Variants in BICDL1 observed in about 807,000 individuals in gnomAD.
BICDL1 encodes the protein BICD family like cargo adaptor 1.
Under a neutral mutation model 76.8 loss-of-function variants are expected in BICDL1, and 20 were observed. The observed-to-expected ratio is 0.26, with a 90% CI of 0.18 to 0.38. The LOEUF is 0.38. Among genes scored for constraint, BICDL1 ranks in the 10% least tolerant of loss-of-function variants. The pLI is 1.00. For synonymous variants in BICDL1, 383 were observed against 337.1 expected, an observed-to-expected ratio of 1.14 and a Z score of -1.49; for missense variants, 700 against 798.6, an observed-to-expected ratio of 0.88 and a Z score of 1.49.
intron 2 of BICDL1, among the ~76,000 whole-genome samples, chr12:120,054,414 C>A (rs1382564174): frequency 1.3e-5 from 2 of 152,114 alleles, no homozygotes; most frequent in Admixed American, 1.3e-4. Flanking sequence ...CTTGCTGACA[C>A]AGTAAGCTTG....
chr12:120,069,698 T>C (rs1872940682), intron 4 of BICDL1, among the ~76,000 whole-genome samples: 2 of 152,210 alleles, frequency 1.3e-5, no homozygotes, highest in Admixed American at 1.3e-4. Flanking sequence ...AATTTTTTTT[T>C]CATGAAAATG....
chr12:120,081,145 AC>A (rs1566266531), intron 8 of BICDL1, 128 bp downstream of exon 8: 7 of 533,404 alleles, frequency 1.3e-5, no homozygotes, highest in Admixed American at 1.2e-4. Context: ...CCCGCTACCC[AC>A]CCCCACCCCC....
chr12:120,048,666 T>C (rs894425046), intron 2 of BICDL1, among the ~76,000 whole-genome samples: 1 of 152,220 alleles, frequency 6.6e-6, no homozygotes, highest in African/African-American at 2.4e-5. Flanking sequence ...ATCTGTGTAA[T>C]GAAGGAGTTC....
intron 1 of BICDL1, 58 bp downstream of exon 1, chr12:119,990,355 G>A: frequency 6.5e-7 from 1 of 1,532,240 alleles, no homozygotes; most frequent in Admixed American, 2.2e-5. Flanking sequence ...CACGCGCCCG[G>A]CCCTGGGCAG....
rs1457814480 is a variant in BICDL1 at position 120,079,965 on chromosome 12, T to A, written c.1453-922T>A. On this transcript the variant is annotated intron_variant, in intron 7 of 9. Coordinates refer to ENST00000548673, the MANE Select transcript of BICDL1 (RefSeq NM_001367886.1). The surrounding 1 kb of genome is among the most constrained non-coding windows in gnomAD (Gnocchi z 4.3). Reference sequence around the variant, plus strand: ...CCCTGTTGGCTTCTTTAGTTGGAGGTCAAGCCTTGTGTCACACCAAGTCTC... The same window carrying A: ...CCCTGTTGGCTTCTTTAGTTGGAGGACAAGCCTTGTGTCACACCAAGTCTC... Among the ~76,000 whole-genome samples the A allele has an allele frequency of 6.6e-6, 1 of 152,086 alleles. No individual in the cohort carries two copies. Among genetic ancestry groups the A allele is most frequent in the Non-Finnish European group, 1.5e-5 (1 of 68,018 alleles).
chr12:120,032,833 G>A (rs1319057567), intron 2 of BICDL1, among the ~76,000 whole-genome samples: 6 of 144,076 alleles, frequency 4.2e-5, no homozygotes, highest in Middle Eastern at 3.8e-3. Context: ...TGCAACTTCC[G>A]CCTCCTGGGT....
chr12:120,028,667 A>G (rs1594136923), intron 2 of BICDL1, among the ~76,000 whole-genome samples: 1 of 152,112 alleles, frequency 6.6e-6, no homozygotes, highest in East Asian at 1.9e-4. Flanking sequence ...ACAGAGTAAG[A>G]CTCAGACTCA....
At chr12:120,070,014 A>T (rs768536563) in intron 4 of BICDL1, among the ~76,000 whole-genome samples, 2 of 152,212 alleles carry the variant, frequency 1.3e-5, no homozygotes, top group African/African-American at 2.4e-5. Flanking sequence ...TAGTATTCTA[A>T]CATGTGAACA....
chr12:120,032,745 A>ATTTTTTTTTT (rs35727779), intron 2 of BICDL1, among the ~76,000 whole-genome samples: 1 of 124,486 alleles, frequency 8.0e-6, no homozygotes, highest in African/African-American at 3.2e-5. Context: ...TACATCTATA[A>ATTTTTTTTTT]TTTTTTTTTT....
rs541430436 is a variant in BICDL1, at chr12:120,055,570, T to C, written c.646-6140T>C. The stretch of plus-strand genomic sequence containing the variant: ...TAACCCAAGCAAATTATAAAAAGAG[T>C]TTATTTCAGATAGTTTTGGGAGTGT... On this transcript the variant is annotated intron_variant, in intron 2 of 9. Coordinates refer to ENST00000548673, the MANE Select transcript of BICDL1 (RefSeq NM_001367886.1). Among the ~76,000 whole-genome samples, 3 of 152,192 alleles carry C rather than the reference T, an allele frequency of 2.0e-5. No individual in the cohort carries two copies. The South Asian group carries it at 6.2e-4, about 32-fold the overall frequency.
chr12:120,015,114 A>G (rs868671015), intron 2 of BICDL1, among the ~76,000 whole-genome samples: 8 of 152,118 alleles, frequency 5.3e-5, no homozygotes, highest in Admixed American at 3.9e-4. Context: ...AGACCAGAGA[A>G]TTCAAGAGTC....
chr12:120,086,696 A>G (rs1874442954), intron 8 of BICDL1, among the ~76,000 whole-genome samples: 1 of 152,270 alleles, frequency 6.6e-6, no homozygotes, highest in Admixed American at 6.5e-5. Context: ...ACTAAAACCA[A>G]AAATAAATCT....
In BICDL1 at chr12:119,990,012, C is replaced by T. The variant is rs578066392; in HGVS notation, c.144C>T (p.Gly48=). The change falls in exon 1 of 10, where the codon GGC becomes GGT. Residue 48 remains glycine (G), a synonymous_variant. Transcript: ENST00000548673. ...CCGCCGCCCTCATCTTCCCCGGGGG[C>T]TCCGGGGAGCTAGAACTGGCGTTAG... ...AAAAALIFPG[G]SGELELALEE... 8.8e-5 allele frequency: 131 copies of T among 1,493,364 alleles called. No homozygotes were observed. In the African/African-American group the frequency reaches 1.7e-3, roughly 19 times the overall value. 92.5% of individuals were successfully genotyped at this position (1,493,364 alleles called of 1,614,324 possible).
chr12:120,052,768 T>G (rs75705692), intron 2 of BICDL1, among the ~76,000 whole-genome samples: 7,220 of 152,246 alleles, frequency 0.047, 359 homozygotes, highest in African/African-American at 0.12. Flanking sequence ...TGCCTAATGA[T>G]GATTTTCTTT....
intron 2 of BICDL1, among the ~76,000 whole-genome samples, chr12:120,030,539 T>C (rs895688187): frequency 2.6e-5 from 4 of 152,054 alleles, no homozygotes; most frequent in Non-Finnish European, 5.9e-5. Flanking sequence ...CCCCAGGAGG[T>C]AGAAAGGCTT....
intron 2 of BICDL1, among the ~76,000 whole-genome samples, chr12:120,026,235 A>G (rs1052003885): frequency 6.6e-6 from 1 of 152,216 alleles, no homozygotes; most frequent in East Asian, 1.9e-4. Context: ...GGAAATGCAT[A>G]TAAATATGCA....
At position 120,093,747 on chromosome 12, in the gene BICDL1, G is replaced by C. The variant is rs1194754757; in HGVS notation, c.*586G>C. The C allele has an allele frequency of 1.2e-5, 2 of 172,418 alleles. No individual in the cohort carries two copies. Among genetic ancestry groups the C allele is most frequent in the South Asian group, 2.5e-4 (2 of 8,058 alleles). The allele number at this position is 172,418 out of a possible 1,614,324, so 10.7% of individuals were successfully genotyped here. On this transcript the variant is annotated 3_prime_UTR_variant, in exon 10 of 10. Transcript: ENST00000548673. ...CCTCTGGCCGCAGGGTCTAAGAGCC[G>C]GGGCTTACCCAAGCTCAGCTGAGGC...
Position 119,989,939 on chromosome 12 carries a change from TG to T in BICDL1, c.73del (p.Glu25SerfsTer28). 1 of 1,469,734 alleles carries T rather than the reference TG, an allele frequency of 6.8e-7. No individual in the cohort carries two copies. The highest frequency in any genetic ancestry group is 8.9e-7 in the Non-Finnish European group (1 of 1,124,422). 91.0% of individuals were successfully genotyped at this position (1,469,734 alleles called of 1,614,324 possible). On this transcript the variant is annotated frameshift_variant, in exon 1 of 10. Coordinates refer to ENST00000548673, the MANE Select transcript of BICDL1 (RefSeq NM_001367886.1). LOFTEE classifies it high-confidence loss of function. ...APAEPDSACCMELPAAAGDAV... is the reference protein window; with the variant it reads ...APAEPDSACCXELPAAAGDAV... ...GCCGAGCCGGACAGCGCCTGCTGCA[TG>T]GAGCTGCCCGCCGCGGCCGGGGACG...
At chr12:120,062,368 G>T (rs4767876) in intron 3 of BICDL1, among the ~76,000 whole-genome samples, 1 of 152,020 alleles carries the variant, frequency 6.6e-6, no homozygotes, top group African/African-American at 2.4e-5. Context: ...GAACAATACT[G>T]TGAGAACCTG....
Sources: gnomAD v4.1 joint callset for allele counts (sites outside exome capture counted in the v4.1 genomes callset) on GRCh38, gnomAD v4.1.1 for gene constraint, Gnocchi (gnomAD v3.1) non-coding constraint, MANE v1.5 for transcripts, NCBI Gene and HGNC (gene_info 2026-07-23, HGNC 2026-07-21) for gene names.